CCDC144A: variants seen among roughly 807,000 people sequenced by gnomAD.
The protein encoded by CCDC144A is coiled-coil domain-containing protein 144A.
In CCDC144A, 41 loss-of-function variants were observed where a neutral mutation model predicts 143.8. The observed-to-expected ratio is 0.29, with a 90% CI of 0.22 to 0.37. The LOEUF (loss-of-function observed/expected upper bound fraction) is 0.37, where lower values mean the gene tolerates loss of function less well. CCDC144A is among the 10% of genes least tolerant of loss of function. The pLI is 1.00. For synonymous variants in CCDC144A, 242 were observed against 517.9 expected, an observed-to-expected ratio of 0.47 and a Z score of 7.23; for missense variants, 637 against 1,488.8, an observed-to-expected ratio of 0.43 and a Z score of 9.41.
chr17:16,723,248 C>A lies in CCDC144A; in HGVS notation c.1891+2590C>A, dbSNP rs141200522. ...AATTTTTGTTTTTCAAGGAAAGTGT[C>A]CATTTTATCAAAGTTGTCATGTTTA... is the stretch of plus-strand genomic sequence containing the variant. On this transcript the variant is annotated intron_variant, in intron 8 of 16. Coordinates refer to ENST00000399273, the MANE Select transcript of CCDC144A (RefSeq NM_001382000.1). Among the ~76,000 whole-genome samples, 483 of 152,166 alleles carry A rather than the reference C, an allele frequency of 3.2e-3. 6 individuals carry two copies. Among genetic ancestry groups the A allele is most frequent in the African/African-American group, 0.011 (458 of 41,514 alleles).
At chr17:16,705,603 AG>A (rs1162204904) in intron 3 of CCDC144A, 1 of 566,976 alleles carries the variant, frequency 1.8e-6, no homozygotes, top group Admixed American at 3.1e-5. Context: ...ATTAGGGGAA[AG>A]CATGATTTTC....
upstream of CCDC144A, among the ~76,000 whole-genome samples, chr17:16,688,985 T>C (rs1472800731): frequency 3.9e-5 from 6 of 152,266 alleles, no homozygotes; most frequent in South Asian, 2.1e-4. Context: ...ATCTCAGTGA[T>C]TGGCTTTCTG....
upstream of CCDC144A, among the ~76,000 whole-genome samples, chr17:16,685,362 C>T (rs563770065): frequency 1.3e-4 from 19 of 151,574 alleles, no homozygotes; most frequent in African/African-American, 3.4e-4. Flanking sequence ...GAACTTCCAA[C>T]GCCGTTTTTT....
chr17:16,726,007 C>G (rs1484655908), intron 8 of CCDC144A, among the ~76,000 whole-genome samples: 2 of 152,096 alleles, frequency 1.3e-5, no homozygotes, highest in South Asian at 2.1e-4. Context: ...GATGTCTAAT[C>G]TGTGTTCACT....
Position 16,775,276 on chromosome 17 carries a change from A to G in CCDC144A, c.*1643A>G, listed in dbSNP as rs1055862938. Reference sequence around the variant, plus strand: ...TGGTATTTCAGGTTCTAGATCTTTGAGGAATCACCACACTGTCTTCCACAC... The same window carrying G: ...TGGTATTTCAGGTTCTAGATCTTTGGGGAATCACCACACTGTCTTCCACAC... On this transcript the variant is annotated 3_prime_UTR_variant, in exon 17 of 17. Coordinates refer to ENST00000399273, the MANE Select transcript of CCDC144A (RefSeq NM_001382000.1). 6 of 152,174 alleles carry G rather than the reference A, an allele frequency of 3.9e-5. No individual in the cohort carries two copies. Among genetic ancestry groups the G allele is most frequent in the African/African-American group, 1.4e-4 (6 of 41,456 alleles). The allele number at this position is 152,174 out of a possible 1,614,324, so 9.4% of individuals were successfully genotyped here.
the CCDC144A span, among the ~76,000 whole-genome samples, chr17:16,669,528 G>A: frequency 6.6e-6 from 1 of 152,194 alleles, no homozygotes; most frequent in Admixed American, 6.5e-5. Context: ...GGATAGACAA[G>A]CATTCTCCAA....
chr17:16,740,393 T>G (rs1914205518), intron 12 of CCDC144A, among the ~76,000 whole-genome samples: 1 of 152,186 alleles, frequency 6.6e-6, no homozygotes, highest in Non-Finnish European at 1.5e-5. Flanking sequence ...CATAATTCAT[T>G]GAATAAATAC....
intron 8 of CCDC144A, among the ~76,000 whole-genome samples, chr17:16,726,434 CCTGT>C (rs1913431428): frequency 6.7e-6 from 1 of 149,268 alleles, no homozygotes; most frequent in Non-Finnish European, 1.5e-5. Context: ...CATGCCTCTG[CCTGT>C]CTGCTTGAGC....
At chr17:16,736,162 A>G (rs1240784504) in intron 12 of CCDC144A, among the ~76,000 whole-genome samples, 2 of 150,848 alleles carry the variant, frequency 1.3e-5, no homozygotes, top group African/African-American at 2.4e-5. Flanking sequence ...ATTCATATCA[A>G]TTTGACTTAA....
At chr17:16,683,005 A>G in the CCDC144A span, among the ~76,000 whole-genome samples, 1 of 145,468 alleles carries the variant, frequency 6.9e-6, no homozygotes, top group South Asian at 2.2e-4. Context: ...GAGTTCAAGC[A>G]ATTCTCCAGC....
intron 12 of CCDC144A, among the ~76,000 whole-genome samples, chr17:16,742,529 A>G (rs879888897): frequency 1.3e-5 from 2 of 152,238 alleles, no homozygotes; most frequent in African/African-American, 2.4e-5. Context: ...TCAACATGGG[A>G]ATACTGGTAT....
chr17:16,710,037 GAA>G (rs1229050661), intron 5 of CCDC144A: 1 of 208,224 alleles, frequency 4.8e-6, no homozygotes, highest in African/African-American at 2.4e-5. Context: ...CAATGACTAA[GAA>G]GAGATATAAA....
In CCDC144A at chr17:16,732,555, C is replaced by T. The variant is rs760389448; in HGVS notation, c.2307C>T (p.Asn769=). Reference sequence around the variant, plus strand: ...ATCTCTAGGTTGTGCAGGAGAGAAACGATGCCCAGAAGCAACTTTCTGAAG... The same window carrying T: ...ATCTCTAGGTTGTGCAGGAGAGAAATGATGCCCAGAAGCAACTTTCTGAAG... ...NNLDLVVQER[N]DAQKQLSEEQ... Residue 769 remains asparagine, a synonymous_variant, in exon 11 of 17, where the codon AAC becomes AAT. Transcript: ENST00000399273. The T allele has an allele frequency of 4.4e-6, 7 of 1,608,642 alleles. No individual in the cohort carries two copies. Among genetic ancestry groups the T allele is most frequent in the Middle Eastern group, 1.7e-4 (1 of 6,036 alleles).
chr17:16,680,235 C>A, the CCDC144A span, among the ~76,000 whole-genome samples: 1 of 151,904 alleles, frequency 6.6e-6, no homozygotes, highest in Non-Finnish European at 1.5e-5. Context: ...TCGAGACCAG[C>A]CTGGGCAACA....
At chr17:16,697,666 T>G (rs1319627495) in intron 2 of CCDC144A, among the ~76,000 whole-genome samples, 3 of 152,254 alleles carry the variant, frequency 2.0e-5, no homozygotes, top group Non-Finnish European at 2.9e-5. Context: ...TTTATTTTAC[T>G]TAAACTTTTT....
At chr17:16,703,110 C>T (rs1911825949) in intron 2 of CCDC144A, among the ~76,000 whole-genome samples, 1 of 152,080 alleles carries the variant, frequency 6.6e-6, no homozygotes, top group Non-Finnish European at 1.5e-5. Flanking sequence ...GCCTGGGGTT[C>T]GTTTTATATG....
At chr17:16,721,702 A>G (rs1205662848) in intron 8 of CCDC144A, among the ~76,000 whole-genome samples, 1 of 149,106 alleles carries the variant, frequency 6.7e-6, no homozygotes, top group Non-Finnish European at 1.5e-5. Flanking sequence ...AACATAGTAA[A>G]TATTTTAAAC....
At chr17:16,743,114 CT>C (rs962612126) in intron 12 of CCDC144A, among the ~76,000 whole-genome samples, 3 of 151,860 alleles carry the variant, frequency 2.0e-5, no homozygotes, top group Non-Finnish European at 2.9e-5. Flanking sequence ...TATACCTGTG[CT>C]TTTTTTTGCA....
chr17:16,684,781 T>C (rs1177513441), upstream of CCDC144A, among the ~76,000 whole-genome samples: 2 of 151,936 alleles, frequency 1.3e-5, no homozygotes, highest in Non-Finnish European at 2.9e-5. Context: ...CTGGTTAACA[T>C]GGTGAGACTC....
Sources: gnomAD v4.1 joint callset for allele counts (sites outside exome capture counted in the v4.1 genomes callset) on GRCh38, gnomAD v4.1.1 for gene constraint, MANE v1.5 for transcripts, NCBI Gene and HGNC (gene_info 2026-07-23, HGNC 2026-07-21) for gene names.